Variants in MRPS31 observed in about 807,000 individuals in gnomAD.
MRPS31 encodes small ribosomal subunit protein mS31.
In MRPS31, 32 loss-of-function variants were observed where a neutral mutation model predicts 43.1. The observed-to-expected ratio is 0.74, with a 90% CI of 0.56 to 1.00. The LOEUF is 1.00. Among genes scored for constraint, MRPS31 ranks in the 50% least tolerant of loss-of-function variants. The pLI is 0.00. For synonymous variants in MRPS31, 165 were observed against 161.6 expected (o/e 1.02, Z -0.16); for missense variants, 437 against 466.7 (o/e 0.94, Z 0.59).
At chr13:40,762,453 T>C (rs1880724310) in intron 2 of MRPS31, among the ~76,000 whole-genome samples, 1 of 124,534 alleles carries the variant, frequency 8.0e-6, no homozygotes, top group Non-Finnish European at 1.6e-5. Flanking sequence ...AGCCCCCTCA[T>C]TCTTTTTTTT....
rs149125949 is a variant in MRPS31 at position 40,771,017 on chromosome 13, T to C, written c.120A>G (p.Thr40=). The change falls in exon 1 of 7, where the codon ACA becomes ACG. Residue 40 remains threonine (T), a synonymous_variant. Coordinates refer to ENST00000323563, the MANE Select transcript of MRPS31 (RefSeq NM_005830.4). ...ACAGCGCTGAACTGCGGTACCTGACTGTTCCGTGCCGAACAGTGAGTAGCA... is the reference window on the plus strand; with the variant it reads ...ACAGCGCTGAACTGCGGTACCTGACCGTTCCGTGCCGAACAGTGAGTAGCA... ...AIMLLTVRHG[T]VRYRSSALLA... is the part of the protein sequence containing the mutation. 1.3e-4 allele frequency: 215 copies of C among 1,614,166 alleles called. 2 individuals carry two copies. The East Asian group carries it at 4.5e-3, about 34-fold the overall frequency.
chr13:40,757,182 C>T (rs191971042), intron 3 of MRPS31, among the ~76,000 whole-genome samples, 169 bp from the exon 4 acceptor site: 2 of 152,240 alleles, frequency 1.3e-5, no homozygotes, highest in Non-Finnish European at 2.9e-5. Flanking sequence ...ATTCACATAA[C>T]ACAGAACATT....
chr13:40,751,796 G>A (rs1880398298), intron 5 of MRPS31, among the ~76,000 whole-genome samples: 1 of 152,156 alleles, frequency 6.6e-6, no homozygotes, highest in Admixed American at 6.5e-5. Flanking sequence ...TATTTAAACA[G>A]TACCTTCATT....
chr13:40,753,380 T>C (rs1415156796), intron 5 of MRPS31, among the ~76,000 whole-genome samples: 5 of 152,256 alleles, frequency 3.3e-5, no homozygotes, highest in Admixed American at 2.0e-4. Context: ...ATTATTATTG[T>C]TCTAACTCAA....
At chr13:40,767,347 G>A (rs1380360458) in intron 1 of MRPS31, among the ~76,000 whole-genome samples, 1 of 152,048 alleles carries the variant, frequency 6.6e-6, no homozygotes, top group African/African-American at 2.4e-5. Context: ...AGCAAAGATG[G>A]GGTTTCCCCA....
At chr13:40,762,963 A>T (rs2138016564) in intron 2 of MRPS31, among the ~76,000 whole-genome samples, 1 of 152,272 alleles carries the variant, frequency 6.6e-6, no homozygotes, top group South Asian at 2.1e-4. Flanking sequence ...ATGGCAAGGG[A>T]AAGTTGCTGA....
intron 6 of MRPS31, among the ~76,000 whole-genome samples, chr13:40,734,774 G>A (rs1351926342): frequency 2.6e-5 from 4 of 152,022 alleles, no homozygotes; most frequent in African/African-American, 7.2e-5. Flanking sequence ...TGTGCCTGTG[G>A]TCCTCTCCTC....
intron 4 of MRPS31, among the ~76,000 whole-genome samples, chr13:40,755,690 T>C (rs769490069): frequency 6.6e-6 from 1 of 152,184 alleles, no homozygotes; most frequent in Non-Finnish European, 1.5e-5. Context: ...AAACTTGGCG[T>C]CTCACCATTG....
At chr13:40,744,495 T>G (rs1475273258) in intron 6 of MRPS31, among the ~76,000 whole-genome samples, 1 of 152,252 alleles carries the variant, frequency 6.6e-6, no homozygotes, top group Non-Finnish European at 1.5e-5. Context: ...ACATATGATG[T>G]TTTCATATAC....
chr13:40,753,148 C>T (rs189590011), intron 5 of MRPS31, among the ~76,000 whole-genome samples: 101 of 152,318 alleles, frequency 6.6e-4, no homozygotes, highest in Non-Finnish European at 2.5e-4. Flanking sequence ...AGAGGACACT[C>T]TTATTTCTCT....
intron 2 of MRPS31, among the ~76,000 whole-genome samples, chr13:40,760,144 A>G (rs1203532101): frequency 6.6e-6 from 1 of 151,444 alleles, no homozygotes; most frequent in Non-Finnish European, 1.5e-5. Flanking sequence ...CAAAAAAAAA[A>G]AAAAAAAAAA....
chr13:40,766,078 A>C (rs1206906569), intron 2 of MRPS31, among the ~76,000 whole-genome samples: 4 of 152,252 alleles, frequency 2.6e-5, no homozygotes, highest in Admixed American at 2.6e-4. Context: ...AGTCCTTTAC[A>C]GACATTAAGC....
Position 40,762,813 on chromosome 13 carries a change from TGTGTGTGTGTG to T in MRPS31, c.441-3718_441-3708del, listed in dbSNP as rs879613515. Among the ~76,000 whole-genome samples the T allele has an allele frequency of 5.1e-3, 772 of 150,664 alleles. 8 individuals carry two copies. Among genetic ancestry groups the T allele is most frequent in the Non-Finnish European group, 7.5e-3 (509 of 67,472 alleles). On this transcript the variant is annotated intron_variant, in intron 2 of 6. Transcript: ENST00000323563. ...GTGTGTGTGTGTGTGTGTGTGTGTG[TGTGTGTGTGTG>T]TGTGTGTGTGTGTGTGTTGTACATA...
Position 40,766,783 on chromosome 13 carries a change from T to A in MRPS31, c.403A>T (p.Arg135Trp). 6.2e-7 allele frequency: 1 copy of A among 1,612,964 alleles called. No individual in the cohort carries two copies. Among genetic ancestry groups the A allele is most frequent in the South Asian group, 1.1e-5 (1 of 90,796 alleles). Residue 135 changes from arginine (R) to tryptophan (W), a missense_variant, in exon 2 of 7, where the codon AGG (arginine) becomes TGG (tryptophan). Physicochemically the swap from Arg to Trp is moderately radical, Grantham distance 101. Coordinates refer to ENST00000323563, the MANE Select transcript of MRPS31 (RefSeq NM_005830.4). ...GCATATTCTGTAGCTCTTCGAAGCC[T>A]GCCAAGTGTAGCTTCCAAACTTTTA... ...PLKSLEATLG[R>W]LRRATEYAPK...
At chr13:40,758,724 C>T (rs747821081) in intron 3 of MRPS31, among the ~76,000 whole-genome samples, 38 of 152,190 alleles carry the variant, frequency 2.5e-4, no homozygotes, top group Middle Eastern at 6.8e-3. Flanking sequence ...GGACAAGAAA[C>T]TGTAACTTCC....
chr13:40,762,129 C>G (rs1476178281), intron 2 of MRPS31, among the ~76,000 whole-genome samples: 1 of 151,904 alleles, frequency 6.6e-6, no homozygotes, highest in African/African-American at 2.4e-5. Flanking sequence ...GTCTGTAGTC[C>G]TAGCTACTCG....
intron 6 of MRPS31, among the ~76,000 whole-genome samples, chr13:40,738,584 T>C (rs1420523421): frequency 6.6e-6 from 1 of 152,070 alleles, no homozygotes; most frequent in Non-Finnish European, 1.5e-5. Flanking sequence ...AAAAAGCTTA[T>C]CCATCATGAT....
intron 6 of MRPS31, among the ~76,000 whole-genome samples, chr13:40,740,947 T>A (rs9549278): frequency 6.3e-5 from 9 of 143,050 alleles, no homozygotes; most frequent in South Asian, 4.4e-4. Context: ...AAAAAAAAAT[T>A]AAAAAAAAAA....
At chr13:40,769,153 G>A (rs1475057164) in intron 1 of MRPS31, among the ~76,000 whole-genome samples, 6 of 151,676 alleles carry the variant, frequency 4.0e-5, no homozygotes, top group East Asian at 1.9e-4. Flanking sequence ...GGAGGTGGGC[G>A]GATCATGAGG....
Sources: gnomAD v4.1 joint callset for allele counts (sites outside exome capture counted in the v4.1 genomes callset) on GRCh38, gnomAD v4.1.1 for gene constraint, MANE v1.5 for transcripts, NCBI Gene and HGNC (gene_info 2026-07-23, HGNC 2026-07-21) for gene names.